The following CDH12 variants were observed in gnomAD, a reference collection of about 807,000 sequenced individuals.
CDH12 encodes cadherin 12.
A neutral mutation model predicts 74.1 loss-of-function variants in CDH12; 41 were observed. That is an observed-to-expected ratio of 0.55 (90% CI 0.43 to 0.72). The LOEUF is 0.72. CDH12 is among the 30% of genes least tolerant of loss of function. The pLI, the probability that CDH12 is intolerant of heterozygous loss-of-function variation, is 0.00. For missense variants in CDH12, 945 were observed against 977.2 expected (o/e 0.97, Z 0.44); for synonymous variants, 399 against 355.0 (o/e 1.12, Z -1.39).
At chr5:22,240,413 T>C (rs1296568650) in intron 3 of CDH12, among the ~76,000 whole-genome samples, 1 of 152,188 alleles carries the variant, frequency 6.6e-6, no homozygotes, top group Non-Finnish European at 1.5e-5. Context: ...GAGGTAATTC[T>C]AAACCTGAAA....
intron 2 of CDH12, among the ~76,000 whole-genome samples, chr5:22,460,000 T>C (rs906198472): frequency 8.6e-5 from 13 of 151,990 alleles, no homozygotes; most frequent in African/African-American, 3.1e-4. Context: ...AAGAAATCAC[T>C]ATCTAATTCA....
rs115247700 is a variant in CDH12 at position 22,300,370 on chromosome 5, G to A, written c.-332-87727C>T. Among the ~76,000 whole-genome samples the A allele has an allele frequency of 4.0e-3, 611 of 152,208 alleles. 2 individuals are homozygous for A. The highest frequency in any genetic ancestry group is 0.013 in the African/African-American group (557 of 41,508). ...GTTCTTCTTGATATATTTTTAAAAA[G>A]ACTGTCTAATATTAGCCCAGGAAAG... On this transcript the variant is annotated intron_variant, in intron 3 of 14. Transcript: ENST00000382254.
intron 1 of CDH12, among the ~76,000 whole-genome samples, chr5:22,670,741 T>C (rs1310305304): frequency 3.3e-5 from 5 of 152,034 alleles, no homozygotes; most frequent in Admixed American, 3.3e-4. Context: ...AAAAATAAAC[T>C]CTAGACTTTT....
intron 4 of CDH12, among the ~76,000 whole-genome samples, chr5:22,166,709 A>T (rs1326138162): frequency 2.0e-5 from 3 of 152,230 alleles, no homozygotes; most frequent in Non-Finnish European, 4.4e-5. Flanking sequence ...CTGTAAAATG[A>T]TTACAAAGAA....
chr5:22,343,361 GAGAA>G (rs1424294430), intron 3 of CDH12, among the ~76,000 whole-genome samples: 4 of 137,530 alleles, frequency 2.9e-5, no homozygotes, highest in Middle Eastern at 3.6e-3. Flanking sequence ...GAGAGAGAGA[GAGAA>G]CACAGACTAA....
intron 3 of CDH12, among the ~76,000 whole-genome samples, chr5:22,249,376 G>C (rs190600910): frequency 6.6e-6 from 1 of 152,150 alleles, no homozygotes; most frequent in Non-Finnish European, 1.5e-5. Flanking sequence ...GCTGCGTGGC[G>C]GGAGGCGATA....
Position 22,345,176 on chromosome 5 carries a change from C to A in CDH12, c.-333+60081G>T, listed in dbSNP as rs184286036. On this transcript the variant is annotated intron_variant, in intron 3 of 14. Coordinates refer to ENST00000382254, the MANE Select transcript of CDH12 (RefSeq NM_004061.5). Reference sequence around the variant, plus strand: ...TCTGACAATTACTCTTTTATTAATGCGACTCAAATCACTTTAGATTTTTTA... The same window carrying A: ...TCTGACAATTACTCTTTTATTAATGAGACTCAAATCACTTTAGATTTTTTA... Among the ~76,000 whole-genome samples the A allele has an allele frequency of 5.2e-3, 796 of 152,196 alleles. 5 individuals carry two copies. The highest frequency in any genetic ancestry group is 0.018 in the African/African-American group (764 of 41,498).
chr5:22,622,439 G>T (rs1738024809), intron 1 of CDH12, among the ~76,000 whole-genome samples: 1 of 152,038 alleles, frequency 6.6e-6, no homozygotes, highest in African/African-American at 2.4e-5. Flanking sequence ...ACCTGCTCCT[G>T]ATTCCCAGTG....
chr5:22,816,852 T>TA (rs1458089801), intron 1 of CDH12, among the ~76,000 whole-genome samples: 12 of 152,128 alleles, frequency 7.9e-5, no homozygotes, highest in African/African-American at 2.9e-4. Context: ...CAAACTCATA[T>TA]AAAAAACCAG....
chr5:21,880,505 C>CCTTCCTT lies in CDH12; in HGVS notation c.527-25716_527-25715insAAGGAAG, dbSNP rs1304688195. Among the ~76,000 whole-genome samples the CCTTCCTT allele has an allele frequency of 9.3e-3, 57 of 6,132 alleles. 2 individuals are homozygous for CCTTCCTT. The highest frequency in any genetic ancestry group is 0.013 in the African/African-American group (52 of 3,918). 4.0% of individuals were successfully genotyped at this position (6,132 alleles called of 152,430 possible). A position where few individuals can be genotyped will look rare whatever the true frequency, so the allele number is the denominator to read the frequency against. On this transcript the variant is annotated intron_variant, in intron 6 of 14. Coordinates refer to ENST00000382254, the MANE Select transcript of CDH12 (RefSeq NM_004061.5). Reference sequence around the variant, plus strand: ...TTCCTTCCTTCCTTCCTTCCTTCCTCCCTCCCTCCCTCTTTTCTTTCTTCC... The same window carrying CCTTCCTT: ...TTCCTTCCTTCCTTCCTTCCTTCCTCCTTCCTTCCTCCCTCCCTCTTTTCTTTCTTCC...
intron 5 of CDH12, among the ~76,000 whole-genome samples, chr5:22,047,235 C>T (rs1333458828): frequency 6.6e-6 from 1 of 152,154 alleles, no homozygotes; most frequent in Non-Finnish European, 1.5e-5. Flanking sequence ...CTCTAGGATC[C>T]CTTCCTTAAA....
chr5:21,867,268 T>C (rs576569600), intron 6 of CDH12, among the ~76,000 whole-genome samples: 1 of 152,222 alleles, frequency 6.6e-6, no homozygotes, highest in South Asian at 2.1e-4. Context: ...GGCAAGAGAA[T>C]GGCTTGAACC....
In CDH12 at chr5:21,751,962, C is replaced by A; in HGVS notation, c.2160G>T (p.Arg720Ser). ...TTGGATCCACATCATTTTCCTGTAG[C>A]CTTTGATGAATGAAATCCCTTATGT... ...NTDIRDFIHQ[R>S]LQENDVDPTA... The change falls in exon 15 of 15, where the codon AGG becomes AGT. Residue 720 changes from arginine (R) to serine (S), a missense_variant. By Grantham distance (110) the Arg-to-Ser change is moderately radical. Around this residue, in one of 3 missense-constraint regions of CDH12, gnomAD observed 791 missense variants for 792.8 expected, o/e 1.00. Transcript: ENST00000382254. The A allele has an allele frequency of 6.2e-7, 1 of 1,613,978 alleles. No individual in the cohort carries two copies. The highest frequency in any genetic ancestry group is 8.5e-7 in the Non-Finnish European group (1 of 1,179,974).
At chr5:22,374,049 C>T in intron 3 of CDH12, among the ~76,000 whole-genome samples, 1 of 152,138 alleles carries the variant, frequency 6.6e-6, no homozygotes, top group African/African-American at 2.4e-5. Context: ...AACACAGATG[C>T]AAAAATCCTC....
At chr5:22,254,602 A>C (rs1289188750) in intron 3 of CDH12, among the ~76,000 whole-genome samples, 1 of 151,884 alleles carries the variant, frequency 6.6e-6, no homozygotes, top group Non-Finnish European at 1.5e-5. Context: ...TCTGTTCAAC[A>C]AACCCCAATG....
chr5:21,870,754 C>T (rs1278538084), intron 6 of CDH12, among the ~76,000 whole-genome samples: 2 of 152,148 alleles, frequency 1.3e-5, no homozygotes, highest in African/African-American at 4.8e-5. Flanking sequence ...GTTTTTGATA[C>T]AGTGTCTCAC....
At chr5:22,476,396 TAAG>T (rs1188244107) in intron 2 of CDH12, among the ~76,000 whole-genome samples, 3 of 152,060 alleles carry the variant, frequency 2.0e-5, no homozygotes, top group African/African-American at 7.2e-5. Flanking sequence ...AAATTGATGT[TAAG>T]AAATGATTAA....
intron 6 of CDH12, among the ~76,000 whole-genome samples, chr5:21,863,855 C>T (rs1751183270): frequency 6.6e-6 from 1 of 152,062 alleles, no homozygotes; most frequent in South Asian, 2.1e-4. Flanking sequence ...AGAACTGATG[C>T]ATGTAACAAA....
At chr5:22,019,136 C>T (rs115557762) in intron 5 of CDH12, among the ~76,000 whole-genome samples, 241 of 152,148 alleles carry the variant, frequency 1.6e-3, no homozygotes, top group African/African-American at 5.7e-3. Flanking sequence ...ATCTATCTAA[C>T]ATCTTTCCCT....
Sources: allele counts gnomAD v4.1 joint callset (sites outside exome capture counted in the v4.1 genomes callset), GRCh38; gene constraint gnomAD v4.1.1; regional missense constraint gnomAD v4.1.1; transcripts MANE v1.5; gene names NCBI Gene and HGNC (gene_info 2026-07-23, HGNC 2026-07-21).